Variants in R3HDM2 observed in about 807,000 individuals in gnomAD.
R3HDM2 encodes the protein R3H domain-containing protein 2.
In R3HDM2, 38 loss-of-function variants were observed where a neutral mutation model predicts 124.5. That is an observed-to-expected ratio of 0.31 (90% confidence interval 0.24 to 0.40). The LOEUF is 0.40. Ranked by LOEUF, R3HDM2 falls within the 10% of genes least tolerant of loss-of-function variation. The pLI, the probability that R3HDM2 is intolerant of heterozygous loss-of-function variation, is 1.00. For missense variants in R3HDM2, 869 were observed against 1,236.9 expected (o/e 0.70, Z 4.46); for synonymous variants, 391 against 448.0 (o/e 0.87, Z 1.61).
At chr12:57,323,198 G>A (rs568653564) in intron 2 of R3HDM2, among the ~76,000 whole-genome samples, 21 of 152,242 alleles carry the variant, frequency 1.4e-4, no homozygotes, top group Admixed American at 1.3e-3. Flanking sequence ...CCATTACAGT[G>A]TCAAAACAAA....
At chr12:57,350,158 C>T (rs1003922535) in intron 2 of R3HDM2, among the ~76,000 whole-genome samples, 4 of 151,852 alleles carry the variant, frequency 2.6e-5, no homozygotes, top group East Asian at 1.9e-4. Context: ...TGCAGTAAGC[C>T]GAGATCGCGC....
At chr12:57,416,566 C>A (rs571144757) in intron 1 of R3HDM2, among the ~76,000 whole-genome samples, 39 of 152,260 alleles carry the variant, frequency 2.6e-4, no homozygotes, top group Admixed American at 1.7e-3. Context: ...AATCCTAACA[C>A]TGGGAGGATG....
At chr12:57,328,405 A>C (rs905839028) in intron 2 of R3HDM2, among the ~76,000 whole-genome samples, 1 of 152,128 alleles carries the variant, frequency 6.6e-6, no homozygotes, top group Non-Finnish European at 1.5e-5. Context: ...CCCAACCTTT[A>C]GCAACCACCA....
At chr12:57,353,225 T>C (rs999447485) in intron 2 of R3HDM2, among the ~76,000 whole-genome samples, 8 of 152,036 alleles carry the variant, frequency 5.3e-5, no homozygotes, top group African/African-American at 1.9e-4. Context: ...TTGTGAAACA[T>C]ACATATAGGA....
chr12:57,399,780 C>G (rs576612971), intron 1 of R3HDM2, among the ~76,000 whole-genome samples: 2 of 152,230 alleles, frequency 1.3e-5, no homozygotes, highest in Non-Finnish European at 2.9e-5. Context: ...AAGTGACCTT[C>G]CCCCCTGAAA....
chr12:57,405,748 T>TC (rs2068470178), intron 1 of R3HDM2, among the ~76,000 whole-genome samples: 1 of 152,150 alleles, frequency 6.6e-6, no homozygotes, highest in South Asian at 2.1e-4. Context: ...TATAGAAAAC[T>TC]CCAAGAAACA....
rs534733085 is a variant in R3HDM2 at position 57,330,486 on chromosome 12, G to A, written c.-35-20023C>T. 3.3e-5 allele frequency among the ~76,000 whole-genome samples: 5 copies of A among 151,070 alleles called. No individual in the cohort carries two copies. In the South Asian group the frequency reaches 6.3e-4, roughly 19 times the overall value. On this transcript the variant is annotated intron_variant, in intron 2 of 23. Transcript: ENST00000402412. ...AGCCTCCTGAGTAGCTGAAATTACA[G>A]GCACGCACCACCACGCCCAGCTAAT...
At chr12:57,261,262 T>A (rs2040746137) in intron 19 of R3HDM2, among the ~76,000 whole-genome samples, 1 of 152,202 alleles carries the variant, frequency 6.6e-6, no homozygotes, top group African/African-American at 2.4e-5. Context: ...TAAAAATAAT[T>A]AAATCTATTG....
intron 2 of R3HDM2, among the ~76,000 whole-genome samples, chr12:57,374,267 C>G (rs987990428): frequency 6.6e-6 from 1 of 151,918 alleles, no homozygotes; most frequent in African/African-American, 2.4e-5. Flanking sequence ...TACAGGGACC[C>G]GTGATCGTGC....
intron 2 of R3HDM2, among the ~76,000 whole-genome samples, chr12:57,387,850 T>C (rs889001826): frequency 6.6e-6 from 1 of 152,154 alleles, no homozygotes; most frequent in African/African-American, 2.4e-5. Context: ...CTGAGAGTAG[T>C]TGAAACCTTG....
At chr12:57,362,888 G>A (rs1319660172) in intron 2 of R3HDM2, among the ~76,000 whole-genome samples, 1 of 151,938 alleles carries the variant, frequency 6.6e-6, no homozygotes, top group Non-Finnish European at 1.5e-5. Flanking sequence ...GTGGCACTAC[G>A]TCAGCTAACT....
intron 2 of R3HDM2, among the ~76,000 whole-genome samples, chr12:57,324,838 C>T (rs2057053351): frequency 6.6e-6 from 1 of 152,158 alleles, no homozygotes; most frequent in African/African-American, 2.4e-5. Flanking sequence ...CCCTCAGTAC[C>T]TCAGAATGTG....
At chr12:57,367,340 T>C (rs951600608) in intron 2 of R3HDM2, among the ~76,000 whole-genome samples, 16 of 152,234 alleles carry the variant, frequency 1.1e-4, no homozygotes, top group African/African-American at 3.9e-4. Flanking sequence ...TACTAAGTAT[T>C]TGAATTGTAG....
chr12:57,307,341 C>T (rs1443001447), intron 3 of R3HDM2, among the ~76,000 whole-genome samples: 3 of 151,518 alleles, frequency 2.0e-5, no homozygotes, highest in Non-Finnish European at 2.9e-5. Flanking sequence ...TTTTTTGAGA[C>T]GGGGTCTCAC....
chr12:57,323,868 G>A (rs2056856623), intron 2 of R3HDM2, among the ~76,000 whole-genome samples: 1 of 151,938 alleles, frequency 6.6e-6, no homozygotes, highest in South Asian at 2.1e-4. Context: ...AGGAGCAGAG[G>A]GTCCTTTCCC....
At chr12:57,387,958 C>T (rs1244411382) in intron 2 of R3HDM2, among the ~76,000 whole-genome samples, 1 of 31,454 alleles carries the variant, frequency 3.2e-5, no homozygotes, top group Non-Finnish European at 6.9e-5. Context: ...TCAAGACAGA[C>T]AAAAAAAATT....
chr12:57,371,671 G>A (rs1201464876), intron 2 of R3HDM2, among the ~76,000 whole-genome samples: 3 of 152,112 alleles, frequency 2.0e-5, no homozygotes, highest in African/African-American at 7.2e-5. Context: ...TTTCCTAAAT[G>A]AGTAACATCA....
intron 1 of R3HDM2, among the ~76,000 whole-genome samples, chr12:57,415,610 T>C (rs2139414961): frequency 6.7e-6 from 1 of 148,982 alleles, no homozygotes; most frequent in South Asian, 2.1e-4. Context: ...AAAGATTCCT[T>C]TACAATGAAG....
rs1033071192 is a variant in R3HDM2 at position 57,296,496 on chromosome 12, G to A, written c.616C>T (p.Arg206Trp). Residue 206 changes from arginine (R) to tryptophan (W), a missense_variant, in exon 9 of 24, where the codon CGG becomes TGG. Physicochemically the swap from Arg to Trp is moderately radical, Grantham distance 101. Coordinates refer to ENST00000402412, the MANE Select transcript of R3HDM2 (RefSeq NM_001394031.1). The surrounding 1 kb of genome is among the most constrained non-coding windows in gnomAD (Gnocchi z 4.5). ...TCCATCCCAAAATAGGCAGCTACCCGGTGTAATAGCATCCGGTGATATGAG... is the reference window on the plus strand; with the variant it reads ...TCCATCCCAAAATAGGCAGCTACCCAGTGTAATAGCATCCGGTGATATGAG... ...MTSYHRMLLH[R>W]VAAYFGMDHN... is the part of the protein sequence containing the mutation. 1.3e-6 allele frequency: 2 copies of A among 1,551,870 alleles called. No individual in the cohort carries two copies. The highest frequency in any genetic ancestry group is 1.4e-5 in the African/African-American group (1 of 73,024).
Sources: gnomAD v4.1 joint callset for allele counts (sites outside exome capture counted in the v4.1 genomes callset) on GRCh38, gnomAD v4.1.1 for gene constraint, Gnocchi (gnomAD v3.1) non-coding constraint, MANE v1.5 for transcripts, NCBI Gene and HGNC (gene_info 2026-07-23, HGNC 2026-07-21) for gene names.